MCOLN2: variants seen among roughly 807,000 people sequenced by gnomAD.
The protein encoded by MCOLN2 is mucolipin-2.
In MCOLN2, 57 loss-of-function variants were observed where a neutral mutation model predicts 67.5. That is an observed-to-expected ratio of 0.84 (90% CI 0.68 to 1.05). The LOEUF (loss-of-function observed/expected upper bound fraction) is 1.05. Ranked by LOEUF, MCOLN2 falls within the 50% of genes least tolerant of loss-of-function variation. MCOLN2 has a pLI of 0.00. For missense variants in MCOLN2, 620 were observed against 678.8 expected, an observed-to-expected ratio of 0.91 and a Z score of 0.96; for synonymous variants, 246 against 233.3, an observed-to-expected ratio of 1.05 and a Z score of -0.50.
At chr1:84,951,834 A>AG (rs1648493205) in intron 6 of MCOLN2, among the ~76,000 whole-genome samples, 1 of 152,236 alleles carries the variant, frequency 6.6e-6, no homozygotes, top group South Asian at 2.1e-4. Context: ...GCATTTTGGG[A>AG]GGCCGAGGCA....
chr1:84,996,901 C>G lies in MCOLN2; in HGVS notation c.-29G>C. 6.2e-7 allele frequency: 1 copy of G among 1,601,814 alleles called. No individual in the cohort carries two copies. Among genetic ancestry groups the G allele is most frequent in the Non-Finnish European group, 8.6e-7 (1 of 1,168,896 alleles). On this transcript the variant is annotated 5_prime_UTR_variant, in exon 1 of 14. Transcript: ENST00000370608. The stretch of plus-strand genomic sequence containing the variant: ...TCCTCCTTCAAAACTTTCCAGGGCT[C>G]TCGGGATTCGGAACAGGAAACACCG...
At chr1:84,988,199 G>A (rs1181988281) in intron 1 of MCOLN2, among the ~76,000 whole-genome samples, 1 of 147,586 alleles carries the variant, frequency 6.8e-6, no homozygotes, top group Non-Finnish European at 1.5e-5. Flanking sequence ...AATCATCTGA[G>A]GATTTTTTTT....
At position 84,997,071 on chromosome 1, in the gene MCOLN2, G is replaced by A; in HGVS notation, c.-199C>T. On this transcript the variant is annotated 5_prime_UTR_variant, in exon 1 of 14. Coordinates refer to ENST00000370608, the MANE Select transcript of MCOLN2 (RefSeq NM_153259.4). ...CGAGAGCAGGCGCCGCAGTCGTGGA[G>A]TGCGGCGGGCAGTTCTCGGGCGGCT... 3.4e-6 allele frequency: 2 copies of A among 592,780 alleles called. No homozygotes were observed. The highest frequency in any genetic ancestry group is 2.8e-5 in the East Asian group (1 of 35,096). 36.7% of individuals were successfully genotyped at this position (592,780 alleles called of 1,614,324 possible). A position where few individuals can be genotyped will look rare whatever the true frequency, so the allele number is the denominator to read the frequency against.
intron 1 of MCOLN2, among the ~76,000 whole-genome samples, chr1:84,980,334 A>G (rs534505652): frequency 6.6e-6 from 1 of 152,320 alleles, no homozygotes; most frequent in African/African-American, 2.4e-5. Flanking sequence ...ATATGGAACC[A>G]CAAAGAACCC....
intron 1 of MCOLN2, among the ~76,000 whole-genome samples, chr1:84,991,278 T>C (rs7547317): frequency 6.6e-6 from 1 of 152,036 alleles, no homozygotes; most frequent in Non-Finnish European, 1.5e-5. Context: ...GTTTCTACAG[T>C]AATGACTGTG....
intron 1 of MCOLN2, among the ~76,000 whole-genome samples, chr1:84,966,400 T>C (rs2102859793): frequency 6.6e-6 from 1 of 152,340 alleles, no homozygotes; most frequent in Middle Eastern, 3.4e-3. Context: ...TGTATGTTTA[T>C]GTTTGTGTGA....
Position 84,956,525 on chromosome 1 carries a change from A to G in MCOLN2, c.471T>C (p.Asn157=), listed in dbSNP as rs1195497043. ...GTLGYGENED[N]RIGLKVCKQH... The stretch of plus-strand genomic sequence containing the variant: ...GCTTACAGACTTTTAAGCCAATTCT[A>G]TTGTCTTCATTTTCTCCATAACCAA... The change falls in exon 4 of 14, where the codon AAT becomes AAC. Residue 157 remains asparagine (N), a synonymous_variant. Coordinates refer to ENST00000370608, the MANE Select transcript of MCOLN2 (RefSeq NM_153259.4). 2 of 1,611,678 alleles carry G rather than the reference A, an allele frequency of 1.2e-6. No homozygotes were observed. The highest frequency in any genetic ancestry group is 1.1e-5 in the South Asian group (1 of 90,282).
chr1:84,959,580 C>A (rs985623640), intron 2 of MCOLN2, among the ~76,000 whole-genome samples: 1 of 152,150 alleles, frequency 6.6e-6, no homozygotes, highest in Non-Finnish European at 1.5e-5. Context: ...TTCACACTCT[C>A]TCACGTGCGT....
rs768082512 is a variant in MCOLN2 at position 84,965,676 on chromosome 1, T to C, written c.110A>G (p.Lys37Arg). 2 of 1,613,734 alleles carry C rather than the reference T, an allele frequency of 1.2e-6. No individual in the cohort carries two copies. Among genetic ancestry groups the C allele is most frequent in the South Asian group, 1.1e-5 (1 of 90,944 alleles). The part of the protein sequence containing the change: ...NAMAHRDSEM[K>R]EECLREDLKF... ...CAGGTCTTCCCTTAGACATTCTTCT[T>C]TCATCTCAGAATCACGATGTGCCAT... The change falls in exon 2 of 14, where the codon AAA becomes AGA. Residue 37 changes from lysine to arginine, a missense_variant. Physicochemically the swap from Lys to Arg is conservative, Grantham distance 26 (BLOSUM62 2). Coordinates refer to ENST00000370608, the MANE Select transcript of MCOLN2 (RefSeq NM_153259.4).
intron 1 of MCOLN2, among the ~76,000 whole-genome samples, chr1:84,966,059 A>G (rs1292090030): frequency 6.6e-6 from 1 of 151,852 alleles, no homozygotes; most frequent in African/African-American, 2.4e-5. Flanking sequence ...TCGAGACCAG[A>G]CTGACCAACA....
In MCOLN2 at chr1:84,952,043, C is replaced by T. The variant is rs971362645; in HGVS notation, c.747+200G>A. Among the ~76,000 whole-genome samples the T allele has an allele frequency of 5.3e-5, 8 of 152,036 alleles. No individual in the cohort carries two copies. In the East Asian group the frequency reaches 7.7e-4, roughly 15 times the overall value. ...CAGAGATTGCAGTGAGCTGAGATCA[C>T]GCCACTGCACTCCAGCCTGGGTGAC... On this transcript the variant is annotated intron_variant, in intron 6 of 13. Coordinates refer to ENST00000370608, the MANE Select transcript of MCOLN2 (RefSeq NM_153259.4).
At chr1:84,963,463 T>C (rs776827940) in intron 2 of MCOLN2, among the ~76,000 whole-genome samples, 54 of 152,166 alleles carry the variant, frequency 3.5e-4, no homozygotes, top group Non-Finnish European at 6.5e-4. Flanking sequence ...TAAGATTTAG[T>C]AGGTATCAGG....
intron 1 of MCOLN2, 148 bp downstream of exon 1, chr1:84,996,648 C>T: frequency 7.6e-6 from 5 of 659,710 alleles, no homozygotes; most frequent in Non-Finnish European, 1.3e-5. Context: ...CTGGAAGGCA[C>T]AGCCTAGCCT....
chr1:84,990,981 T>A (rs920377773), intron 1 of MCOLN2, among the ~76,000 whole-genome samples: 1 of 152,148 alleles, frequency 6.6e-6, no homozygotes, highest in African/African-American at 2.4e-5. Flanking sequence ...CATTTTAAAG[T>A]CTAGAAGCAT....
At chr1:84,996,133 T>G (rs1420444255) in intron 1 of MCOLN2, among the ~76,000 whole-genome samples, 1 of 152,050 alleles carries the variant, frequency 6.6e-6, no homozygotes, top group Non-Finnish European at 1.5e-5. Flanking sequence ...CCAAAAGTTG[T>G]GCGATTTTGG....
chr1:84,930,911 A>C (rs745803278), intron 12 of MCOLN2, among the ~76,000 whole-genome samples: 4 of 152,310 alleles, frequency 2.6e-5, no homozygotes, highest in East Asian at 1.9e-4. Flanking sequence ...CTAAACAGTC[A>C]CAAAAGCCTT....
rs1648790199 is a variant in MCOLN2 at position 84,956,353 on chromosome 1, G to A, written c.565+78C>T. ...TCACCAAAGCAAAGTTTTTCCATCT[G>A]GGTTGCTAGCACATGAGGGCATTTC... is the stretch of plus-strand genomic sequence containing the variant. On this transcript the variant is annotated intron_variant, in intron 4 of 13. Transcript: ENST00000370608. 2.1e-6 allele frequency: 3 copies of A among 1,449,094 alleles called. No individual in the cohort carries two copies. The Admixed American group carries it at 6.2e-5, about 30-fold the overall frequency. 89.8% of individuals were successfully genotyped at this position (1,449,094 alleles called of 1,614,324 possible). A position where few individuals can be genotyped will look rare whatever the true frequency, so the allele number is the denominator to read the frequency against.
At chr1:84,940,762 T>A in intron 8 of MCOLN2, 117 bp downstream of exon 8, 1 of 635,280 alleles carries the variant, frequency 1.6e-6, no homozygotes, top group South Asian at 2.0e-5. Flanking sequence ...CTCAAAGGAA[T>A]CTGATTTAGT....
At chr1:84,968,067 G>A (rs891691067) in intron 1 of MCOLN2, among the ~76,000 whole-genome samples, 2 of 152,118 alleles carry the variant, frequency 1.3e-5, no homozygotes, top group African/African-American at 4.8e-5. Context: ...CTCAGCTTCC[G>A]TTCTGTGGCC....
Sources: allele counts gnomAD v4.1 joint callset (sites outside exome capture counted in the v4.1 genomes callset), GRCh38; gene constraint gnomAD v4.1.1; transcripts MANE v1.5; gene names NCBI Gene and HGNC (gene_info 2026-07-23, HGNC 2026-07-21).